SSH1: variants seen among roughly 807,000 people sequenced by gnomAD.
The protein encoded by SSH1 is protein phosphatase Slingshot homolog 1.
In SSH1, 43 loss-of-function variants were observed where a neutral mutation model predicts 79.7. That is an observed-to-expected ratio of 0.54 (90% CI 0.42 to 0.70). SSH1 has a LOEUF of 0.70. Among genes scored for constraint, SSH1 ranks in the 30% least tolerant of loss-of-function variants. The probability of loss-of-function intolerance (pLI) is 0.00; values close to 1 mark genes in which losing one functional copy is unlikely to be tolerated. For missense variants in SSH1, 1,206 were observed against 1,358.8 expected (o/e 0.89, Z 1.77); for synonymous variants, 599 against 538.3 (o/e 1.11, Z -1.56).
chr12:108,806,440 T>A (rs776016211), intron 8 of SSH1, 46 bp from the exon 9 acceptor site: 2 of 1,582,308 alleles, frequency 1.3e-6, no homozygotes, highest in East Asian at 4.5e-5. Flanking sequence ...GTAGAAAGCT[T>A]GTGGTCGGAG....
At chr12:108,812,584 T>C (rs1169160570) in intron 5 of SSH1, among the ~76,000 whole-genome samples, 1 of 152,150 alleles carries the variant, frequency 6.6e-6, no homozygotes, top group Non-Finnish European at 1.5e-5. Context: ...AGACTGCCCA[T>C]GGGAAATAAG....
rs548568058 is a variant in SSH1 at position 108,828,569 on chromosome 12, T to C, written c.111-5208A>G. The stretch of plus-strand genomic sequence containing the variant: ...TTCTTCCCAGTGTGTGAATGCATCA[T>C]GCGTGGGAAAGAGAGAGAAGGAACC... On this transcript the variant is annotated intron_variant, in intron 2 of 14. Coordinates refer to ENST00000326495, the MANE Select transcript of SSH1 (RefSeq NM_018984.4). Among the ~76,000 whole-genome samples, 3 of 152,298 alleles carry C rather than the reference T, an allele frequency of 2.0e-5. No individual in the cohort carries two copies. The South Asian group carries it at 6.2e-4, about 32-fold the overall frequency.
chr12:108,791,860 T>C (rs1223814797), intron 14 of SSH1: 3 of 1,048,672 alleles, frequency 2.9e-6, no homozygotes. Context: ...TCATCAGGGG[T>C]GTGGGGAAGT....
chr12:108,808,840 T>TG (rs1489275787), intron 7 of SSH1, among the ~76,000 whole-genome samples: 6 of 141,430 alleles, frequency 4.2e-5, no homozygotes, highest in Admixed American at 2.1e-4. Context: ...TTTTTTTTTT[T>TG]TTTTTTTGTT....
intron 2 of SSH1, among the ~76,000 whole-genome samples, chr12:108,828,754 T>C (rs554981428): frequency 8.5e-5 from 13 of 152,286 alleles, no homozygotes; most frequent in South Asian, 4.1e-4. Context: ...CTGCACTGCA[T>C]AGAGGCTAAG....
chr12:108,841,234 C>T (rs1265497729), intron 2 of SSH1, among the ~76,000 whole-genome samples: 3 of 152,318 alleles, frequency 2.0e-5, no homozygotes, highest in South Asian at 2.1e-4. Context: ...GGTAACACTG[C>T]TACCTACGAG....
Position 108,806,302 on chromosome 12 carries a change from T to C in SSH1, c.824A>G (p.Glu275Gly). ...SQDLENVTSK[E>G]IRNELEKQMN... The stretch of plus-strand genomic sequence containing the variant: ...CAATGAAGGGAGGAGTTGTCTTACC[T>C]CTTTGGAAGTCACATTTTCTAGATC... Residue 275 changes from glutamate (E) to glycine (G), a missense_variant and splice_region_variant, in exon 9 of 15, where the codon GAG becomes GGG. Glu to Gly is a moderately conservative substitution (Grantham distance 98). Around this residue, in one of 5 missense-constraint regions of SSH1, gnomAD observed 116 missense variants for 109.0 expected, o/e 1.06. Coordinates refer to ENST00000326495, the MANE Select transcript of SSH1 (RefSeq NM_018984.4). The C allele has an allele frequency of 6.2e-7, 1 of 1,614,058 alleles. No individual in the cohort carries two copies. The highest frequency in any genetic ancestry group is 8.5e-7 in the Non-Finnish European group (1 of 1,179,958).
intron 12 of SSH1, among the ~76,000 whole-genome samples, chr12:108,799,753 G>A (rs1195274157): frequency 6.6e-6 from 1 of 152,210 alleles, no homozygotes; most frequent in Non-Finnish European, 1.5e-5. Flanking sequence ...GCAAAAAAAA[G>A]CCAGGAGTGG....
intron 5 of SSH1, among the ~76,000 whole-genome samples, chr12:108,814,372 TA>T (rs563868733): frequency 2.0e-5 from 3 of 148,870 alleles, no homozygotes; most frequent in Admixed American, 6.7e-5. Flanking sequence ...GCAGGGGGAA[TA>T]AAAAAATAAA....
intron 2 of SSH1, among the ~76,000 whole-genome samples, chr12:108,852,276 G>A (rs982607767): frequency 3.4e-5 from 5 of 146,544 alleles, no homozygotes; most frequent in African/African-American, 7.6e-5. Context: ...TTGCTCTGTC[G>A]CCAGGCTGGA....
intron 13 of SSH1, among the ~76,000 whole-genome samples, chr12:108,798,548 A>T (rs2036848483): frequency 7.0e-6 from 1 of 143,180 alleles, no homozygotes; most frequent in Non-Finnish European, 1.5e-5. Context: ...GCTCGGGAAG[A>T]CTGATGGGCT....
intron 10 of SSH1, among the ~76,000 whole-genome samples, chr12:108,802,774 T>C (rs971562076): frequency 6.6e-6 from 1 of 152,204 alleles, no homozygotes; most frequent in African/African-American, 2.4e-5. Flanking sequence ...GGAATCGTTC[T>C]ACCTTCTGGG....
At chr12:108,802,389 G>C in intron 10 of SSH1, 21 bp from the exon 11 acceptor site, 1 of 1,613,150 alleles carries the variant, frequency 6.2e-7, no homozygotes, top group Non-Finnish European at 8.5e-7. Flanking sequence ...GATCACACAA[G>C]CTCCTGTGAG....
At chr12:108,827,003 T>TAA (rs34956372) in intron 2 of SSH1, among the ~76,000 whole-genome samples, 1 of 140,732 alleles carries the variant, frequency 7.1e-6, no homozygotes, top group Non-Finnish European at 1.6e-5. Context: ...TGATGAGGGA[T>TAA]AAAAAAAAAA....
chr12:108,853,169 T>C (rs1254452857), intron 1 of SSH1: 1 of 985,424 alleles, frequency 1.0e-6, no homozygotes, highest in African/African-American at 1.7e-5. Context: ...AATCAGGCCG[T>C]CTGTTTGTGG....
At chr12:108,802,064 T>TA (rs2037036104) in intron 11 of SSH1, among the ~76,000 whole-genome samples, 1 of 152,162 alleles carries the variant, frequency 6.6e-6, no homozygotes, top group African/African-American at 2.4e-5. Flanking sequence ...CTACAGCAAT[T>TA]AGAGTGTAAT....
At chr12:108,848,699 AG>A (rs2038954777) in intron 2 of SSH1, among the ~76,000 whole-genome samples, 1 of 152,216 alleles carries the variant, frequency 6.6e-6, no homozygotes, top group African/African-American at 2.4e-5. Context: ...GTGCCTAAAA[AG>A]GTGAGTGTGA....
Position 108,799,208 on chromosome 12 carries a change from G to A in SSH1, c.1149-8C>T, listed in dbSNP as rs530433545. ...CACTTGGAATGGTTCCTCCTGCAGG[G>A]GTGGGAGCAGTTGGGGAGGAGAGAT... is the stretch of plus-strand genomic sequence containing the variant. On this transcript the variant is annotated splice_region_variant and splice_polypyrimidine_tract_variant and intron_variant, in intron 12 of 14. Transcript: ENST00000326495. 6.8e-6 allele frequency: 11 copies of A among 1,608,404 alleles called. No homozygotes were observed. In the South Asian group the frequency reaches 1.1e-4, roughly 16 times the overall value.
chr12:108,853,101 G>A (rs952869591), intron 1 of SSH1: 4 of 985,266 alleles, frequency 4.1e-6, no homozygotes, highest in Non-Finnish European at 4.8e-6. Flanking sequence ...GCTGAGTGAT[G>A]AACACCATTT....
Sources: gnomAD v4.1 joint callset for allele counts (sites outside exome capture counted in the v4.1 genomes callset) on GRCh38, gnomAD v4.1.1 for gene constraint, gnomAD v4.1.1 regional missense constraint, MANE v1.5 for transcripts, NCBI Gene and HGNC (gene_info 2026-07-23, HGNC 2026-07-21) for gene names.